Variants in PIF1 observed in about 807,000 individuals in gnomAD.
The protein encoded by PIF1 is ATP-dependent DNA helicase PIF1.
PIF1 carries 67 observed loss-of-function variants against 62.3 expected under a neutral mutation model. The ratio of observed to expected loss-of-function variants is 1.08; its 90% CI spans 0.88 to 1.32. The LOEUF is 1.32. PIF1 is among the 40% of genes most tolerant of loss of function. PIF1 has a pLI of 0.00. For synonymous variants in PIF1, 364 were observed against 379.5 expected (o/e 0.96, Z 0.47); for missense variants, 886 against 866.1 (o/e 1.02, Z -0.29).
rs2084357982 is a variant in PIF1, at chr15:64,825,610, TG to T, written c.-62del. ...ACACTCACTTGTGCCGACACTCAGATGAACAAGCAGATCGTAGCCGGCCTGT... is the reference window on the plus strand; with the variant it reads ...ACACTCACTTGTGCCGACACTCAGATAACAAGCAGATCGTAGCCGGCCTGT... On this transcript the variant is annotated 5_prime_UTR_variant, in exon 1 of 13. Transcript: ENST00000559239. 2.6e-5 allele frequency: 4 copies of T among 152,258 alleles called. No individual in the cohort carries two copies. Among genetic ancestry groups the T allele is most frequent in the South Asian group, 4.1e-4 (2 of 4,824 alleles). The allele number at this position is 152,258 out of a possible 1,614,324, so 9.4% of individuals were successfully genotyped here.
In PIF1 at chr15:64,815,871, GAGTCCCCACC is replaced by G; in HGVS notation, c.*417_*426del. The G allele has an allele frequency of 6.4e-7, 1 of 1,550,646 alleles. No homozygotes were observed. The highest frequency in any genetic ancestry group is 2.0e-5 in the Admixed American group (1 of 50,990). ...TCTGTTTGGAGGCTGCACCCAGCCT[GAGTCCCCACC>G]AGTCCCCTCCAAGAGCCCTGATGCT... On this transcript the variant is annotated 3_prime_UTR_variant, in exon 13 of 13. Coordinates refer to ENST00000559239, the MANE Select transcript of PIF1 (RefSeq NM_001286496.2).
chr15:64,821,565 C>CTTT (rs56305637), intron 4 of PIF1, 45 bp from the exon 5 acceptor site: 50 of 1,249,598 alleles, frequency 4.0e-5, no homozygotes, highest in Non-Finnish European at 4.1e-5. Flanking sequence ...CAAAGCCTCT[C>CTTT]TTTTTTTTTT....
chr15:64,824,345 C>T lies in PIF1; in HGVS notation c.-10G>A. 1 of 1,246,834 alleles carries T rather than the reference C, an allele frequency of 8.0e-7. No individual in the cohort carries two copies. The highest frequency in any genetic ancestry group is 1.0e-6 in the Non-Finnish European group (1 of 995,012). The allele number at this position is 1,246,834 out of a possible 1,614,324, so 77.2% of individuals were successfully genotyped here. The stretch of plus-strand genomic sequence containing the variant: ...CTATGCCCGAGAGCATCGTCACCGC[C>T]TCTGCTGGTCTGCGAAGACACCGGA... On this transcript the variant is annotated 5_prime_UTR_variant, in exon 2 of 13. Transcript: ENST00000559239.
rs1191132402 is a variant in PIF1 at position 64,821,179 on chromosome 15, C to G, written c.1074G>C (p.Arg358=). ...PPVTKGSQPP[R]FCFQSKSWKR... is the part of the protein sequence containing the mutation. ...AGGTGAGTAATACCTGGAAGCAGAA[C>G]CGTGGGGGCTGGGAGCCCTTGGTCA... The change falls in exon 6 of 13, where the codon CGG becomes CGC. Residue 358 remains arginine, a synonymous_variant. Coordinates refer to ENST00000559239, the MANE Select transcript of PIF1 (RefSeq NM_001286496.2). 2 of 1,614,180 alleles carry G rather than the reference C, an allele frequency of 1.2e-6. No homozygotes were observed. Among genetic ancestry groups the G allele is most frequent in the Non-Finnish European group, 1.7e-6 (2 of 1,180,038 alleles).
At chr15:64,826,655 T>TACAC (rs1232359521), upstream of PIF1, among the ~76,000 whole-genome samples, 1 of 37,462 alleles carries the variant, frequency 2.7e-5, no homozygotes, top group African/African-American at 8.8e-5. Flanking sequence ...TATATATATA[T>TACAC]ATATATATAT....
rs1391858197 is a variant in PIF1, at chr15:64,821,277, C to G, written c.976G>C (p.Val326Leu). 6.2e-7 allele frequency: 1 copy of G among 1,614,224 alleles called. No homozygotes were observed. The highest frequency in any genetic ancestry group is 8.5e-7 in the Non-Finnish European group (1 of 1,180,014). ...FDKLEAVARAVRQQNKPFGGI... is the reference protein window; with the variant it reads ...FDKLEAVARALRQQNKPFGGI... ...CCGAATGGCTTGTTCTGCTGCCGGACAGCTCTGGAGAGGAGCGTGGGGTGC... is the reference window on the plus strand; with the variant it reads ...CCGAATGGCTTGTTCTGCTGCCGGAGAGCTCTGGAGAGGAGCGTGGGGTGC... The change falls in exon 6 of 13, where the codon GTC (valine) becomes CTC (leucine). Residue 326 changes from valine (V) to leucine (L), a missense_variant. By Grantham distance (32) the Val-to-Leu change is conservative. Coordinates refer to ENST00000559239, the MANE Select transcript of PIF1 (RefSeq NM_001286496.2).
At chr15:64,819,659 G>A (rs1489909886) in intron 8 of PIF1, among the ~76,000 whole-genome samples, 188 bp downstream of exon 8, 5 of 152,154 alleles carry the variant, frequency 3.3e-5, no homozygotes, top group Non-Finnish European at 5.9e-5. Flanking sequence ...TAGAGGCAGC[G>A]CAGGCCTGGG....
chr15:64,824,220 C>A lies in PIF1; in HGVS notation c.116G>T (p.Arg39Leu). 7.5e-7 allele frequency: 1 copy of A among 1,341,048 alleles called. No homozygotes were observed. The highest frequency in any genetic ancestry group is 9.6e-7 in the Non-Finnish European group (1 of 1,039,306). The allele number at this position is 1,341,048 out of a possible 1,614,324, so 83.1% of individuals were successfully genotyped here. Reference protein sequence around the residue: ...GGQPRRRQALRTAELSLGRNE... With the variant: ...GGQPRRRQALLTAELSLGRNE... ...GCGACCCAGGCTCAGCTCCGCGGTG[C>A]GCAGGGCCTGGCGCCTTCGCGGCTG... The change falls in exon 2 of 13, where the codon CGC becomes CTC. Residue 39 changes from arginine to leucine, a missense_variant. Transcript: ENST00000559239.
At chr15:64,826,709 C>A, upstream of PIF1, among the ~76,000 whole-genome samples, 1 of 134,612 alleles carries the variant, frequency 7.4e-6, no homozygotes, top group Non-Finnish European at 1.6e-5. Flanking sequence ...TATACACACA[C>A]ATATATATAT....
In PIF1 at chr15:64,821,419, C is replaced by G. The variant is rs139237719; in HGVS notation, c.919G>C (p.Glu307Gln). The part of the protein sequence containing the change: ...WLNCQRLVID[E>Q]ISMVEADLFD... Reference sequence around the variant, plus strand: ...AGGTCTGCCTCCACCATTGAGATCTCGTCAATGACCAACCGCTGGCAGTTC... The same window carrying G: ...AGGTCTGCCTCCACCATTGAGATCTGGTCAATGACCAACCGCTGGCAGTTC... The change falls in exon 5 of 13, where the codon GAG becomes CAG. Residue 307 changes from glutamate (E) to glutamine (Q), a missense_variant. Glu to Gln is a conservative substitution (Grantham distance 29). Coordinates refer to ENST00000559239, the MANE Select transcript of PIF1 (RefSeq NM_001286496.2). 6.2e-7 allele frequency: 1 copy of G among 1,614,086 alleles called. No individual in the cohort carries two copies. Among genetic ancestry groups the G allele is most frequent in the African/African-American group, 1.3e-5 (1 of 74,944 alleles).
chr15:64,817,924 T>G, intron 11 of PIF1, 22 bp downstream of exon 11: 1 of 1,596,144 alleles, frequency 6.3e-7, no homozygotes, highest in Non-Finnish European at 8.5e-7. Flanking sequence ...TCCCTGTCCC[T>G]GCCCCCCACA....
intron 11 of PIF1, 44 bp downstream of exon 11, chr15:64,817,902 C>T (rs372208839): frequency 1.8e-5 from 29 of 1,575,566 alleles, no homozygotes; most frequent in East Asian, 2.3e-5. Flanking sequence ...CATGCCTGAC[C>T]TCCCTCTGCC....
At chr15:64,822,960 A>G (rs534914586) in intron 2 of PIF1, among the ~76,000 whole-genome samples, 43 of 151,974 alleles carry the variant, frequency 2.8e-4, no homozygotes, top group African/African-American at 1.0e-3. Context: ...TCTCACCTCA[A>G]AATACCCAAG....
Position 64,823,907 on chromosome 15 carries a change from CCGCGGGCCCAGCAGCTG to C in PIF1, c.412_428del (p.Gln138AlafsTer42), listed in dbSNP as rs2084325528. The C allele has an allele frequency of 7.3e-7, 1 of 1,361,468 alleles. No homozygotes were observed. 84.3% of individuals were successfully genotyped at this position (1,361,468 alleles called of 1,614,324 possible). On this transcript the variant is annotated frameshift_variant, in exon 2 of 13. Transcript: ENST00000559239. LOFTEE classifies it high-confidence loss of function. ...GGCTGATGGTGACGAAGTCGCGGGG[CCGCGGGCCCAGCAGCTG>C]CGCTCGGGCGGAGGCCGGCCCGGGA...
chr15:64,826,681 T>C (rs1347446019), upstream of PIF1, among the ~76,000 whole-genome samples: 266 of 73,150 alleles, frequency 3.6e-3, 4 homozygotes, highest in East Asian at 0.03. Context: ...CACACACACA[T>C]ATATACACAC....
At chr15:64,817,747 A>G (rs988030513) in intron 11 of PIF1, among the ~76,000 whole-genome samples, 199 bp downstream of exon 11, 40 of 152,042 alleles carry the variant, frequency 2.6e-4, no homozygotes, top group African/African-American at 8.9e-4. Context: ...CTGTAGTCCC[A>G]GCTACTCAGG....
At chr15:64,818,521 G>A (rs1010295877) in intron 9 of PIF1, 177 bp from the exon 10 acceptor site, 12 of 599,018 alleles carry the variant, frequency 2.0e-5, no homozygotes, top group Non-Finnish European at 2.9e-5. Flanking sequence ...TATCTTCCTC[G>A]GTCCCAATTT....
At chr15:64,817,857 G>C in intron 11 of PIF1, 89 bp downstream of exon 11, 1 of 1,433,874 alleles carries the variant, frequency 7.0e-7, no homozygotes, top group Non-Finnish European at 9.3e-7. Context: ...GCAAGACTCT[G>C]TCTCAAAAAT....
chr15:64,819,630 A>G (rs1214564069), intron 8 of PIF1, among the ~76,000 whole-genome samples: 1 of 152,174 alleles, frequency 6.6e-6, no homozygotes, highest in East Asian at 1.9e-4. Context: ...CTATTAGACC[A>G]GAGCACGGGG....
Sources: allele counts gnomAD v4.1 joint callset (sites outside exome capture counted in the v4.1 genomes callset), GRCh38; gene constraint gnomAD v4.1.1; transcripts MANE v1.5; gene names NCBI Gene and HGNC (gene_info 2026-07-23, HGNC 2026-07-21).